Variants in KCNK5 observed in about 807,000 individuals in gnomAD.
The protein encoded by KCNK5 is potassium channel subfamily K member 5.
Under a neutral mutation model 32.9 loss-of-function variants are expected in KCNK5, and 18 were observed. The observed-to-expected ratio is 0.55, with a 90% confidence interval of 0.38 to 0.81. KCNK5 has a LOEUF of 0.81. Ranked by LOEUF, KCNK5 falls within the 30% of genes least tolerant of loss-of-function variation. KCNK5 has a pLI of 0.00. For synonymous variants in KCNK5, 276 were observed against 275.3 expected (o/e 1.00, Z -0.03); for missense variants, 507 against 651.0 (o/e 0.78, Z 2.41).
chr6:39,218,070 CTT>C (rs796153225), intron 1 of KCNK5, among the ~76,000 whole-genome samples: 45 of 130,330 alleles, frequency 3.5e-4, no homozygotes, highest in South Asian at 1.5e-3. Flanking sequence ...ACTTACAGGC[CTT>C]TTTTTTTTTT....
intron 4 of KCNK5, among the ~76,000 whole-genome samples, chr6:39,192,208 G>A (rs1353889305): frequency 6.7e-6 from 1 of 149,204 alleles, no homozygotes; most frequent in African/African-American, 2.5e-5. Context: ...GCTTGAACCC[G>A]GGAGGCAGAG....
chr6:39,211,916 A>G (rs902359761), intron 1 of KCNK5, among the ~76,000 whole-genome samples: 1 of 152,062 alleles, frequency 6.6e-6, no homozygotes, highest in African/African-American at 2.4e-5. Context: ...GTGAGCTGAG[A>G]TCGTACCATT....
chr6:39,215,474 GTC>G (rs1771415072), intron 1 of KCNK5, among the ~76,000 whole-genome samples: 1 of 152,210 alleles, frequency 6.6e-6, no homozygotes, highest in Admixed American at 6.5e-5. Flanking sequence ...CCTCCAGAGA[GTC>G]TGTGAATAGG....
intron 2 of KCNK5, 130 bp downstream of exon 2, chr6:39,195,746 T>C (rs1771019010): frequency 1.7e-6 from 1 of 590,828 alleles, no homozygotes; most frequent in African/African-American, 1.9e-5. Flanking sequence ...TAAGAAAGTA[T>C]CAAAAGAATA....
chr6:39,200,683 C>T (rs1027403223), intron 1 of KCNK5, among the ~76,000 whole-genome samples: 1 of 152,176 alleles, frequency 6.6e-6, no homozygotes, highest in Non-Finnish European at 1.5e-5. Flanking sequence ...CCACTCTGAC[C>T]AGCTCTCATG....
chr6:39,228,656 G>T (rs934524692), intron 1 of KCNK5, among the ~76,000 whole-genome samples: 7 of 152,142 alleles, frequency 4.6e-5, no homozygotes, highest in Non-Finnish European at 1.0e-4. Context: ...CTGAAACACC[G>T]TGGAGCCTAG....
In KCNK5 at chr6:39,204,741, C is replaced by T. The variant is rs1488820874; in HGVS notation, c.187-8754G>A. 2.0e-5 allele frequency among the ~76,000 whole-genome samples: 3 copies of T among 152,230 alleles called. No individual in the cohort carries two copies. In the East Asian group the frequency reaches 5.8e-4, roughly 29 times the overall value. On this transcript the variant is annotated intron_variant, in intron 1 of 4. Coordinates refer to ENST00000359534, the MANE Select transcript of KCNK5 (RefSeq NM_003740.4). ...CATTAGGGACTTGAGCGCAGCCCCA[C>T]CCCTGACATTAGCACGGGGCAGGCT...
At chr6:39,207,964 A>G (rs1251977585) in intron 1 of KCNK5, among the ~76,000 whole-genome samples, 2 of 152,032 alleles carry the variant, frequency 1.3e-5, no homozygotes, top group African/African-American at 4.8e-5. Context: ...TGTATCCTTG[A>G]ACACAGTTGG....
At chr6:39,192,253 T>C (rs764005306) in intron 4 of KCNK5, among the ~76,000 whole-genome samples, 12 of 116,372 alleles carry the variant, frequency 1.0e-4, no homozygotes, top group Non-Finnish European at 1.9e-4. Flanking sequence ...ACTGCCACTC[T>C]AGCCTGGGCA....
chr6:39,223,483 C>T (rs760753646), intron 1 of KCNK5, among the ~76,000 whole-genome samples: 1 of 152,226 alleles, frequency 6.6e-6, no homozygotes, highest in East Asian at 1.9e-4. Context: ...TTCTCCACTC[C>T]CTACAAGGAA....
chr6:39,219,605 A>T (rs747337683), intron 1 of KCNK5, among the ~76,000 whole-genome samples: 1 of 152,192 alleles, frequency 6.6e-6, no homozygotes, highest in Admixed American at 6.5e-5. Context: ...AGCCTGTGAG[A>T]CCAAGGACCA....
rs542623439 is a variant in KCNK5 at position 39,194,752 on chromosome 6, T to C, written c.307A>G (p.Asn103Asp). ...CCGGCGGGGGTCTTGGGAGCCACAT[T>C]GCCATATCCTGAGGAAGGAGAGAGT... ...ATVITTIGYG[N>D]VAPKTPAGRL... Residue 103 changes from asparagine (N) to aspartate (D), a missense_variant, in exon 3 of 5, where the codon AAT (asparagine) becomes GAT (aspartate). Asn to Asp is a conservative substitution (Grantham distance 23). Around this residue, in one of 6 missense-constraint regions of KCNK5, gnomAD observed 143 missense variants for 219.1 expected, o/e 0.65. Coordinates refer to ENST00000359534, the MANE Select transcript of KCNK5 (RefSeq NM_003740.4). The surrounding 1 kb of genome is among the most constrained non-coding windows in gnomAD (Gnocchi z 4.7). The C allele has an allele frequency of 6.2e-7, 1 of 1,613,844 alleles. No homozygotes were observed. Among genetic ancestry groups the C allele is most frequent in the South Asian group, 1.1e-5 (1 of 91,046 alleles).
At chr6:39,225,122 G>A (rs757570014) in intron 1 of KCNK5, among the ~76,000 whole-genome samples, 2 of 151,964 alleles carry the variant, frequency 1.3e-5, no homozygotes, top group African/African-American at 2.4e-5. Flanking sequence ...AACCTCTTCT[G>A]TAGCCCACAC....
chr6:39,201,485 C>T (rs911941167), intron 1 of KCNK5, among the ~76,000 whole-genome samples: 16 of 151,916 alleles, frequency 1.1e-4, no homozygotes, highest in Admixed American at 2.0e-4. Flanking sequence ...TCCTGACCTC[C>T]GGTGATCCAC....
At chr6:39,215,614 T>A (rs1037843223) in intron 1 of KCNK5, among the ~76,000 whole-genome samples, 2 of 152,126 alleles carry the variant, frequency 1.3e-5, no homozygotes, top group African/African-American at 4.8e-5. Context: ...TGCTACAGAA[T>A]AACCTGTTCC....
chr6:39,198,375 A>T (rs1325496239), intron 1 of KCNK5, among the ~76,000 whole-genome samples: 5 of 152,186 alleles, frequency 3.3e-5, no homozygotes, highest in Non-Finnish European at 5.9e-5. Flanking sequence ...GAGGACAGAG[A>T]TGGTTTACTA....
intron 1 of KCNK5, among the ~76,000 whole-genome samples, chr6:39,216,186 G>A (rs1562056926): frequency 6.6e-6 from 1 of 152,216 alleles, no homozygotes; most frequent in Non-Finnish European, 1.5e-5. Context: ...TCAGGAGGCT[G>A]AAACTGGAGA....
At chr6:39,199,356 C>T (rs1404592546) in intron 1 of KCNK5, among the ~76,000 whole-genome samples, 1 of 152,216 alleles carries the variant, frequency 6.6e-6, no homozygotes, top group Admixed American at 6.5e-5. Context: ...GCTTTCTACC[C>T]TTCACCCCAC....
At chr6:39,212,054 G>A (rs1300450040) in intron 1 of KCNK5, among the ~76,000 whole-genome samples, 2 of 151,806 alleles carry the variant, frequency 1.3e-5, no homozygotes, top group African/African-American at 4.8e-5. Context: ...TTGGGAGGCT[G>A]AGGTAGGCAG....
Sources: allele counts gnomAD v4.1 joint callset (sites outside exome capture counted in the v4.1 genomes callset), GRCh38; gene constraint gnomAD v4.1.1; regional missense constraint gnomAD v4.1.1; non-coding constraint Gnocchi (gnomAD v3.1); transcripts MANE v1.5; gene names NCBI Gene and HGNC (gene_info 2026-07-23, HGNC 2026-07-21).